The following FAM193A variants were observed in gnomAD, a reference collection of about 807,000 sequenced individuals.
The protein encoded by FAM193A is family with sequence similarity 193 member A, also known as protein FAM193A.
In FAM193A, 22 loss-of-function variants were observed where a neutral mutation model predicts 126.5. The observed-to-expected ratio is 0.17, with a 90% CI of 0.12 to 0.25. The LOEUF (loss-of-function observed/expected upper bound fraction) is 0.25. Ranked by LOEUF, FAM193A falls within the 10% of genes least tolerant of loss-of-function variation. The pLI is 1.00. For synonymous variants in FAM193A, 761 were observed against 646.8 expected, an observed-to-expected ratio of 1.18 and a Z score of -2.68; for missense variants, 1,675 against 1,672.8, an observed-to-expected ratio of 1.00 and a Z score of -0.02.
At chr4:2,543,958 T>G (rs1737397443) in intron 1 of FAM193A, among the ~76,000 whole-genome samples, 1 of 148,482 alleles carries the variant, frequency 6.7e-6, no homozygotes, top group Admixed American at 6.9e-5. Context: ...TGTATAAACA[T>G]GCTGGTATGA....
At chr4:2,591,219 A>T (rs1740553133) in intron 1 of FAM193A, among the ~76,000 whole-genome samples, 1 of 152,128 alleles carries the variant, frequency 6.6e-6, no homozygotes, top group Non-Finnish European at 1.5e-5. Context: ...GCAAGCAGCA[A>T]GTATGAAGGC....
intron 1 of FAM193A, among the ~76,000 whole-genome samples, chr4:2,585,499 A>G (rs770071701): frequency 3.9e-5 from 6 of 152,356 alleles, no homozygotes; most frequent in Non-Finnish European, 7.3e-5. Flanking sequence ...CATTTGGGTC[A>G]TCTGTTGTGA....
intron 1 of FAM193A, among the ~76,000 whole-genome samples, chr4:2,557,969 A>C (rs1354591703): frequency 1.3e-5 from 2 of 150,714 alleles, no homozygotes; most frequent in Non-Finnish European, 3.0e-5. Context: ...AAAAAAGTTA[A>C]CCATTTAATA....
At chr4:2,663,373 A>G in intron 12 of FAM193A, 85 bp downstream of exon 12, 1 of 1,103,662 alleles carries the variant, frequency 9.1e-7, no homozygotes. Context: ...ATACAAAATT[A>G]TTTTGTTTCC....
upstream of FAM193A, chr4:2,536,562 G>A (rs1256576285): frequency 1.4e-5 from 2 of 138,702 alleles, no homozygotes; most frequent in African/African-American, 5.3e-5. Flanking sequence ...GGGGGGCGGA[G>A]TAAGGCGGGG....
At chr4:2,665,600 C>T (rs1270924718) in intron 12 of FAM193A, among the ~76,000 whole-genome samples, 2 of 152,218 alleles carry the variant, frequency 1.3e-5, no homozygotes, top group Admixed American at 1.3e-4. Context: ...CCTCAAACAG[C>T]TGGGCTCAAG....
intron 19 of FAM193A, among the ~76,000 whole-genome samples, chr4:2,710,852 T>C (rs1718870702): frequency 1.5e-4 from 2 of 13,512 alleles, no homozygotes; most frequent in South Asian, 6.4e-3. Flanking sequence ...CTGTGCTTTC[T>C]TTTTTTTTTT....
intron 7 of FAM193A, among the ~76,000 whole-genome samples, chr4:2,651,414 A>G (rs964612815): frequency 3.3e-5 from 5 of 152,218 alleles, no homozygotes; most frequent in Admixed American, 3.3e-4. Flanking sequence ...ACAGTTCCGC[A>G]TGGCTGGGGA....
At chr4:2,613,638 A>G (rs1204599914) in intron 2 of FAM193A, among the ~76,000 whole-genome samples, 4 of 151,570 alleles carry the variant, frequency 2.6e-5, no homozygotes, top group African/African-American at 9.7e-5. Context: ...TTTTTAGTAT[A>G]GAGACGGGTT....
intron 2 of FAM193A, among the ~76,000 whole-genome samples, chr4:2,608,326 G>A (rs551440447): frequency 2.0e-5 from 3 of 151,950 alleles, no homozygotes; most frequent in Non-Finnish European, 2.9e-5. Flanking sequence ...CTACAGGTGC[G>A]CACCACCATG....
At chr4:2,539,334 A>ATG (rs1737079747) in intron 1 of FAM193A, among the ~76,000 whole-genome samples, 1 of 152,122 alleles carries the variant, frequency 6.6e-6, no homozygotes, top group Non-Finnish European at 1.5e-5. Flanking sequence ...TTTACTAATT[A>ATG]CTAAGGGCAC....
rs986931980 is a variant in FAM193A at position 2,577,422 on chromosome 4, G to GTTTTTTTTTTT, written c.256-18658_256-18648dup. Reference sequence around the variant, plus strand: ...ACTCAATTAAAGTGGTTTTTTTTTTGTTTTTTTTTTTTTTGAGACAGAGTC... The same window carrying GTTTTTTTTTTT: ...ACTCAATTAAAGTGGTTTTTTTTTTGTTTTTTTTTTTTTTTTTTTTTTTTTGAGACAGAGTC... On this transcript the variant is annotated intron_variant, in intron 1 of 20. Coordinates refer to ENST00000637812, the MANE Select transcript of FAM193A (RefSeq NM_001366318.2). Among the ~76,000 whole-genome samples the GTTTTTTTTTTT allele has an allele frequency of 4.9e-3, 568 of 115,538 alleles. 14 individuals are homozygous for GTTTTTTTTTTT. The highest frequency in any genetic ancestry group is 0.012 in the South Asian group (39 of 3,300). The allele number at this position is 115,538 out of a possible 152,430, so 75.8% of individuals were successfully genotyped here.
chr4:2,729,595 C>T (rs908254448), intron 20 of FAM193A, among the ~76,000 whole-genome samples: 4 of 152,198 alleles, frequency 2.6e-5, no homozygotes, highest in African/African-American at 9.7e-5. Flanking sequence ...TGGTCAGATT[C>T]TTTCGTCTGA....
chr4:2,608,507 C>G (rs1016977494), intron 2 of FAM193A, among the ~76,000 whole-genome samples: 1 of 152,116 alleles, frequency 6.6e-6, no homozygotes, highest in African/African-American at 2.4e-5. Flanking sequence ...GCCACTGCAC[C>G]CAGCCAAATA....
Position 2,731,887 on chromosome 4 carries a change from G to T in FAM193A, c.*19G>T. ...CCACTGAATGAGGACTCCCTGGAGA[G>T]GGACACGCGAGAGGCAGGCCAGGCT... On this transcript the variant is annotated 3_prime_UTR_variant, in exon 21 of 21. Transcript: ENST00000637812. 6.3e-7 allele frequency: 1 copy of T among 1,587,732 alleles called. No individual in the cohort carries two copies.
intron 6 of FAM193A, among the ~76,000 whole-genome samples, chr4:2,642,134 CAAAAAA>C (rs35799531): frequency 0.026 from 2,274 of 86,202 alleles, 57 homozygotes; most frequent in African/African-American, 0.076. Flanking sequence ...ACTAAAAATA[CAAAAAA>C]AAAAAAAAAA....
chr4:2,663,961 T>C (rs1218255905), intron 12 of FAM193A, among the ~76,000 whole-genome samples: 1 of 152,176 alleles, frequency 6.6e-6, no homozygotes, highest in Non-Finnish European at 1.5e-5. Flanking sequence ...AGCAAGACTC[T>C]GTTTAAAAAA....
chr4:2,553,147 C>T (rs890351168), intron 1 of FAM193A, among the ~76,000 whole-genome samples: 3 of 151,848 alleles, frequency 2.0e-5, no homozygotes, highest in East Asian at 1.9e-4. Flanking sequence ...TGTGCCTGGC[C>T]GAAGTTTCAT....
At chr4:2,565,820 C>A (rs1016011420) in intron 1 of FAM193A, among the ~76,000 whole-genome samples, 3 of 152,156 alleles carry the variant, frequency 2.0e-5, no homozygotes, top group African/African-American at 7.2e-5. Context: ...TGGCAAGACA[C>A]AGGGGTTTGC....
Sources: allele counts gnomAD v4.1 joint callset (sites outside exome capture counted in the v4.1 genomes callset), GRCh38; gene constraint gnomAD v4.1.1; transcripts MANE v1.5; gene names NCBI Gene and HGNC (gene_info 2026-07-23, HGNC 2026-07-21).